MARCHF4: variants seen among roughly 807,000 people sequenced by gnomAD.
The protein encoded by MARCHF4 is membrane associated ring-CH-type finger 4, also known as E3 ubiquitin-protein ligase MARCHF4.
MARCHF4 carries 14 observed loss-of-function variants against 43.9 expected under a neutral mutation model. The ratio of observed to expected loss-of-function variants is 0.32; its 90% CI spans 0.21 to 0.50. The LOEUF is 0.50. Ranked by LOEUF, MARCHF4 falls within the 20% of genes least tolerant of loss-of-function variation. The pLI is 0.98. For missense variants in MARCHF4, 468 were observed against 536.7 expected, an observed-to-expected ratio of 0.87 and a Z score of 1.27; for synonymous variants, 226 against 213.3, an observed-to-expected ratio of 1.06 and a Z score of -0.52.
At chr2:216,302,232 T>C (rs1266646919) in intron 1 of MARCHF4, among the ~76,000 whole-genome samples, 1 of 152,144 alleles carries the variant, frequency 6.6e-6, no homozygotes, top group Non-Finnish European at 1.5e-5. Flanking sequence ...AAAAATTTTT[T>C]TTTTGAGACG....
In MARCHF4 at chr2:216,261,015, G is replaced by T. The variant is rs111385891; in HGVS notation, c.866-1336C>A. On this transcript the variant is annotated intron_variant, in intron 3 of 3. Transcript: ENST00000273067. ...GATCTGGACAACTTCGAAGCTCTTG[G>T]CCTCAGCAGCTGCATGAATGGGAAG... 1.0e-3 allele frequency among the ~76,000 whole-genome samples: 157 copies of T among 152,300 alleles called. 1 individual carries two copies. Among genetic ancestry groups the T allele is most frequent in the African/African-American group, 2.9e-3 (121 of 41,560 alleles).
intron 1 of MARCHF4, among the ~76,000 whole-genome samples, chr2:216,332,316 C>T (rs545009742): frequency 1.2e-4 from 18 of 151,134 alleles, no homozygotes; most frequent in South Asian, 2.1e-4. Context: ...CGCTTGAACC[C>T]GGGAGGTGGA....
At chr2:216,362,066 A>C (rs1323979345) in intron 1 of MARCHF4, among the ~76,000 whole-genome samples, 1 of 152,206 alleles carries the variant, frequency 6.6e-6, no homozygotes, top group Non-Finnish European at 1.5e-5. Flanking sequence ...ATGGGAATGA[A>C]ATCCATGTAT....
chr2:216,320,663 CTTTCTTTCTTTCTTTT>C (rs1274572124), intron 1 of MARCHF4, among the ~76,000 whole-genome samples: 11 of 96,972 alleles, frequency 1.1e-4, no homozygotes, highest in African/African-American at 3.9e-4. Flanking sequence ...TTCTTTCTTT[CTTTCTTTCTTTCTTTT>C]TTTTTTTTTG....
Position 216,258,659 on chromosome 2 carries a change from T to A in MARCHF4, c.*653A>T, listed in dbSNP as rs1239709083. On this transcript the variant is annotated 3_prime_UTR_variant, in exon 4 of 4. Coordinates refer to ENST00000273067, the MANE Select transcript of MARCHF4 (RefSeq NM_020814.3). Reference sequence around the variant, plus strand: ...GCCCACCTGAAATCGGGAGTTCCATTTGGAAGTTCCTTCAGGAAGGAGACA... The same window carrying A: ...GCCCACCTGAAATCGGGAGTTCCATATGGAAGTTCCTTCAGGAAGGAGACA... 1.3e-5 allele frequency: 2 copies of A among 152,580 alleles called. No homozygotes were observed. The highest frequency in any genetic ancestry group is 2.4e-5 in the African/African-American group (1 of 41,376). The allele number at this position is 152,580 out of a possible 1,614,324, so 9.5% of individuals were successfully genotyped here.
At position 216,369,939 on chromosome 2, in the gene MARCHF4, G is replaced by T; in HGVS notation, c.322C>A (p.Pro108Thr). The T allele has an allele frequency of 1.2e-6, 2 of 1,603,650 alleles. No homozygotes were observed. Among genetic ancestry groups the T allele is most frequent in the Non-Finnish European group, 1.7e-6 (2 of 1,174,532 alleles). Reference sequence around the variant, plus strand: ...TCCACAGAAGAAGGTGGCAAGGGGGGTGGAGGTGGCACAGGAGGGGGCTCC... The same window carrying T: ...TCCACAGAAGAAGGTGGCAAGGGGGTTGGAGGTGGCACAGGAGGGGGCTCC... ...GREPPPVPPP[P>T]PLPPSSVEDD... The change falls in exon 1 of 4, where the codon CCC becomes ACC. Residue 108 changes from proline to threonine, a missense_variant. By Grantham distance (38) the Pro-to-Thr change is conservative (BLOSUM62 -1). Around this residue, in one of 3 missense-constraint regions of MARCHF4, gnomAD observed 190 missense variants for 158.5 expected, o/e 1.20. Coordinates refer to ENST00000273067, the MANE Select transcript of MARCHF4 (RefSeq NM_020814.3).
rs1692781520 is a variant in MARCHF4, at chr2:216,372,227, G to A, written c.-1967C>T. 6.6e-6 allele frequency among the ~76,000 whole-genome samples: 1 copy of A among 152,242 alleles called. No individual in the cohort carries two copies. The highest frequency in any genetic ancestry group is 1.9e-4 in the East Asian group (1 of 5,196). ...AAGGGGTGGTGCTGGAAGGGAGGTG[G>A]CGGGGCGGCGAGCTGACCGTCCGAG... On this transcript the variant is annotated 5_prime_UTR_variant, in exon 1 of 4. Coordinates refer to ENST00000273067, the MANE Select transcript of MARCHF4 (RefSeq NM_020814.3).
intron 3 of MARCHF4, among the ~76,000 whole-genome samples, chr2:216,269,312 C>A (rs776915349): frequency 2.0e-5 from 3 of 152,156 alleles, no homozygotes; most frequent in Non-Finnish European, 4.4e-5. Flanking sequence ...CCCAGTGGAG[C>A]AGAGAATACC....
rs369355386 is a variant in MARCHF4, at chr2:216,308,316, A to G, written c.517-24587T>C. On this transcript the variant is annotated intron_variant, in intron 1 of 3. Coordinates refer to ENST00000273067, the MANE Select transcript of MARCHF4 (RefSeq NM_020814.3). Reference sequence around the variant, plus strand: ...AGCTAGCTGAGAAGCTGTTCAGAGGATGGCTTGAGCCAAGGAGGCAGAGTT... The same window carrying G: ...AGCTAGCTGAGAAGCTGTTCAGAGGGTGGCTTGAGCCAAGGAGGCAGAGTT... Among the ~76,000 whole-genome samples, 16 of 152,128 alleles carry G rather than the reference A, an allele frequency of 1.1e-4. 1 individual carries two copies. Among genetic ancestry groups the G allele is most frequent in the African/African-American group, 3.6e-4 (15 of 41,528 alleles).
At chr2:216,313,005 T>C (rs779953092) in intron 1 of MARCHF4, among the ~76,000 whole-genome samples, 1 of 152,232 alleles carries the variant, frequency 6.6e-6, no homozygotes, top group African/African-American at 2.4e-5. Flanking sequence ...AGGATTTTTA[T>C]AGTTTCAAGT....
At chr2:216,261,948 T>G (rs1259461523) in intron 3 of MARCHF4, among the ~76,000 whole-genome samples, 1 of 152,176 alleles carries the variant, frequency 6.6e-6, no homozygotes, top group Non-Finnish European at 1.5e-5. Flanking sequence ...AAGAGTGCAG[T>G]GACTCTTTAC....
intron 1 of MARCHF4, among the ~76,000 whole-genome samples, chr2:216,309,816 A>G (rs1177048379): frequency 6.6e-6 from 1 of 152,138 alleles, no homozygotes; most frequent in African/African-American, 2.4e-5. Context: ...CTGTTTTCGT[A>G]TAATTCCTTT....
rs553763035 is a variant in MARCHF4, at chr2:216,339,937, C to A, written c.516+29808G>T. On this transcript the variant is annotated intron_variant, in intron 1 of 3. Transcript: ENST00000273067. ...GCCTCCTGCTGGGGTGACTGGAAAA[C>A]AACTCCTTAAATCAAGCAGCAGCTG... Among the ~76,000 whole-genome samples the A allele has an allele frequency of 4.6e-5, 7 of 152,118 alleles. No individual in the cohort carries two copies. The East Asian group carries it at 1.4e-3, about 29-fold the overall frequency.
intron 1 of MARCHF4, among the ~76,000 whole-genome samples, chr2:216,326,958 T>A (rs1393291154): frequency 6.6e-6 from 1 of 151,796 alleles, no homozygotes; most frequent in African/African-American, 2.4e-5. Flanking sequence ...ACTTAAAGTA[T>A]AATAATAAAA....
chr2:216,302,368 G>A (rs2105950209), intron 1 of MARCHF4, among the ~76,000 whole-genome samples: 1 of 147,860 alleles, frequency 6.8e-6, no homozygotes, highest in East Asian at 2.0e-4. Context: ...ACAGGCGCCT[G>A]CCACCACGCC....
At chr2:216,314,824 CAAGTGGT>C (rs1391427021) in intron 1 of MARCHF4, among the ~76,000 whole-genome samples, 1 of 151,994 alleles carries the variant, frequency 6.6e-6, no homozygotes, top group Non-Finnish European at 1.5e-5. Context: ...GCAGAGAGGG[CAAGTGGT>C]AAGAAGAGCA....
chr2:216,297,621 C>T (rs558943670), intron 1 of MARCHF4, among the ~76,000 whole-genome samples: 5 of 152,232 alleles, frequency 3.3e-5, no homozygotes, highest in South Asian at 2.1e-4. Flanking sequence ...TCAAGCAATT[C>T]TTTTGCCTTA....
intron 1 of MARCHF4, among the ~76,000 whole-genome samples, chr2:216,358,671 C>T (rs1692535863): frequency 1.3e-5 from 2 of 152,168 alleles, no homozygotes; most frequent in Non-Finnish European, 2.9e-5. Flanking sequence ...CTCATTCATT[C>T]ACTCCCTCTA....
Position 216,307,393 on chromosome 2 carries a change from G to T in MARCHF4, c.517-23664C>A, listed in dbSNP as rs559624626. Among the ~76,000 whole-genome samples the T allele has an allele frequency of 2.0e-5, 3 of 152,254 alleles. No homozygotes were observed. In the South Asian group the frequency reaches 6.2e-4, roughly 32 times the overall value. On this transcript the variant is annotated intron_variant, in intron 1 of 3. Coordinates refer to ENST00000273067, the MANE Select transcript of MARCHF4 (RefSeq NM_020814.3). ...AAGGAAATGGAGGAATAGAGGGAGG[G>T]AGAGGGGTTTCTATTTTTAAACCCT...
Sources: gnomAD v4.1 joint callset for allele counts (sites outside exome capture counted in the v4.1 genomes callset) on GRCh38, gnomAD v4.1.1 for gene constraint, gnomAD v4.1.1 regional missense constraint, MANE v1.5 for transcripts, NCBI Gene and HGNC (gene_info 2026-07-23, HGNC 2026-07-21) for gene names.